PHACTR2: variants seen among roughly 807,000 people sequenced by gnomAD.
PHACTR2 encodes the protein phosphatase and actin regulator 2.
In PHACTR2, 30 loss-of-function variants were observed where a neutral mutation model predicts 76.0. The observed-to-expected ratio is 0.39, with a 90% CI of 0.30 to 0.54. The LOEUF (loss-of-function observed/expected upper bound fraction) is 0.54, where lower values mean the gene tolerates loss of function less well. PHACTR2 is among the 20% of genes least tolerant of loss of function. The probability of loss-of-function intolerance (pLI) is 0.61; values close to 1 mark genes in which losing one functional copy is unlikely to be tolerated. For missense variants in PHACTR2, 696 were observed against 781.1 expected (o/e 0.89, Z 1.30); for synonymous variants, 292 against 292.5 (o/e 1.00, Z 0.02).
chr6:143,686,004 C>T (rs964879094), intron 1 of PHACTR2, among the ~76,000 whole-genome samples: 11 of 151,866 alleles, frequency 7.2e-5, no homozygotes, highest in African/African-American at 1.9e-4. Flanking sequence ...TGGTGGCGGG[C>T]GCCCGTAATC....
chr6:143,755,631 C>A lies in PHACTR2; in HGVS notation c.454+1719C>A. 4.2e-6 allele frequency: 1 copy of A among 239,384 alleles called. No homozygotes were observed. The highest frequency in any genetic ancestry group is 1.0e-4 in the East Asian group (1 of 9,716). The allele number at this position is 239,384 out of a possible 1,614,324, so 14.8% of individuals were successfully genotyped here. On this transcript the variant is annotated intron_variant, in intron 4 of 12. Transcript: ENST00000440869. The surrounding 1 kb of genome is among the most constrained non-coding windows in gnomAD (Gnocchi z 5.2). ...CCTTATCTGATAAGGTCCAAGAGAG[C>A]CTGTTGCTTGGCTAGTAGGTACATG...
At chr6:143,606,386 A>T (rs1343268518), upstream of PHACTR2, among the ~76,000 whole-genome samples, 1 of 152,054 alleles carries the variant, frequency 6.6e-6, no homozygotes, top group Non-Finnish European at 1.5e-5. Flanking sequence ...GTATTTATGG[A>T]AAAAAAAGTG....
At position 143,549,870 on chromosome 6, in the gene PHACTR2, C is replaced by T; in HGVS notation, c.217+12663C>T. On this transcript the variant is annotated intron_variant, in intron 1 of 11. Coordinates refer to the PHACTR2 transcript ENST00000367584. The surrounding 1 kb of genome is among the most constrained non-coding windows in gnomAD (Gnocchi z 4.2). The stretch of plus-strand genomic sequence containing the variant: ...TCAGCCGGTCCCTGGCCTCAACAAG[C>T]AAGCTCTTAATCCTAGGTTGTGGTT... Among the ~76,000 whole-genome samples, 1 of 151,944 alleles carries T rather than the reference C, an allele frequency of 6.6e-6. No homozygotes were observed. Among genetic ancestry groups the T allele is most frequent in the East Asian group, 1.9e-4 (1 of 5,188 alleles).
rs369601723 is a variant in PHACTR2 at position 143,777,305 on chromosome 6, A to G, written c.1590-23A>G. 1.1e-4 allele frequency: 167 copies of G among 1,466,088 alleles called. No homozygotes were observed. Among genetic ancestry groups the G allele is most frequent in the Non-Finnish European group, 1.6e-4 (165 of 1,052,890 alleles). 90.8% of individuals were successfully genotyped at this position (1,466,088 alleles called of 1,614,324 possible). ...TAGGGTACCTTGTTTTTAACCTGTA[A>G]TATATCCTTTTTGTCATCATAGGAG... On this transcript the variant is annotated intron_variant, in intron 8 of 12. Transcript: ENST00000440869. The surrounding 1 kb of genome is among the most constrained non-coding windows in gnomAD (Gnocchi z 4.6).
rs773732731 is a variant in PHACTR2 at position 143,803,340 on chromosome 6, G to A, written c.1846-3717G>A. Among the ~76,000 whole-genome samples the A allele has an allele frequency of 2.0e-5, 3 of 152,180 alleles. No homozygotes were observed. Among genetic ancestry groups the A allele is most frequent in the Non-Finnish European group, 4.4e-5 (3 of 68,036 alleles). On this transcript the variant is annotated intron_variant, in intron 11 of 12. Transcript: ENST00000440869. The surrounding 1 kb of genome is among the most constrained non-coding windows in gnomAD (Gnocchi z 4.7). ...AAGTGGGGAGATTGCTTGAGCCTAG[G>A]AGTTTGAGACCAGCCTGGCCAACAT...
intron 2 of PHACTR2, among the ~76,000 whole-genome samples, chr6:143,726,000 A>G (rs1778560334): frequency 6.6e-6 from 1 of 152,200 alleles, no homozygotes; most frequent in Admixed American, 6.5e-5. Context: ...CAGTTTATCC[A>G]TACATGAAAG....
Position 143,748,991 on chromosome 6 carries a change from A to G in PHACTR2, c.221A>G (p.Glu74Gly). Residue 74 changes from glutamate to glycine, a missense_variant, in exon 3 of 13, where the codon GAA (glutamate) becomes GGA (glycine). Physicochemically the swap from Glu to Gly is moderately conservative, Grantham distance 98 (BLOSUM62 -2). Coordinates refer to ENST00000440869, the MANE Select transcript of PHACTR2 (RefSeq NM_001100164.2). Reference protein sequence around the residue: ...DKFRETSAVLERKISTRQSRE... With the variant: ...DKFRETSAVLGRKISTRQSRE... The stretch of plus-strand genomic sequence containing the variant: ...TGCTTGTTCTTTTTAAAAGTATTAG[A>G]AAGGAAGATATCCACACGACAAAGT... 1 of 1,533,674 alleles carries G rather than the reference A, an allele frequency of 6.5e-7. No homozygotes were observed. The highest frequency in any genetic ancestry group is 9.0e-7 in the Non-Finnish European group (1 of 1,108,470).
At position 143,763,367 on chromosome 6, in the gene PHACTR2, CAAA is replaced by C. The variant is rs377695345; in HGVS notation, c.695-1887_695-1885del. Among the ~76,000 whole-genome samples, 5 of 149,680 alleles carry C rather than the reference CAAA, an allele frequency of 3.3e-5. No individual in the cohort carries two copies. In the East Asian group the frequency reaches 9.8e-4, roughly 29 times the overall value. ...GAGGGAGACTCTGTCTCAAAAAAAA[CAAA>C]AAAAAAGAATTTTCTTTAACAAATT... On this transcript the variant is annotated intron_variant, in intron 5 of 12. Transcript: ENST00000440869.
At chr6:143,632,358 C>A (rs1307736629) in intron 1 of PHACTR2, among the ~76,000 whole-genome samples, 2 of 152,096 alleles carry the variant, frequency 1.3e-5, no homozygotes, top group South Asian at 2.1e-4. Flanking sequence ...TATTTAGATA[C>A]CCCCGCCACC....
At chr6:143,640,068 AGTT>A (rs1274372397) in intron 1 of PHACTR2, among the ~76,000 whole-genome samples, 12 of 152,222 alleles carry the variant, frequency 7.9e-5, no homozygotes, top group Admixed American at 1.3e-4. Context: ...GTGATGTCAC[AGTT>A]GTTGTGCTGT....
chr6:143,655,021 A>T (rs1776824291), intron 1 of PHACTR2, among the ~76,000 whole-genome samples: 1 of 151,846 alleles, frequency 6.6e-6, no homozygotes, highest in African/African-American at 2.4e-5. Context: ...GCCGGGTGTG[A>T]TGGCACATGC....
At chr6:143,748,057 C>T (rs1478838225) in intron 2 of PHACTR2, among the ~76,000 whole-genome samples, 1 of 150,552 alleles carries the variant, frequency 6.6e-6, no homozygotes. Flanking sequence ...TCTGTGAAAA[C>T]TGATTATTAT....
In PHACTR2 at chr6:143,750,843, A is replaced by G. The variant is rs958780617; in HGVS notation, c.295+1778A>G. Among the ~76,000 whole-genome samples, 1 of 152,234 alleles carries G rather than the reference A, an allele frequency of 6.6e-6. No individual in the cohort carries two copies. Among genetic ancestry groups the G allele is most frequent in the African/African-American group, 2.4e-5 (1 of 41,466 alleles). On this transcript the variant is annotated intron_variant, in intron 3 of 12. Coordinates refer to ENST00000440869, the MANE Select transcript of PHACTR2 (RefSeq NM_001100164.2). This position sits in a 1 kb window ranked among gnomAD's most constrained non-coding sequence, Gnocchi z 4.6. ...AACAATTTTTTAACCTAAGCATAATATAATAATAGGCTTAATGTTTGAGAA... is the reference window on the plus strand; with the variant it reads ...AACAATTTTTTAACCTAAGCATAATGTAATAATAGGCTTAATGTTTGAGAA...
chr6:143,573,695 A>G (rs1156441627), intron 1 of PHACTR2, among the ~76,000 whole-genome samples: 2 of 151,422 alleles, frequency 1.3e-5, no homozygotes, highest in Non-Finnish European at 2.9e-5. Flanking sequence ...GTTGGCACTT[A>G]TCTTAGTTAA....
chr6:143,796,297 T>C (rs964879706), intron 11 of PHACTR2, among the ~76,000 whole-genome samples: 12 of 152,242 alleles, frequency 7.9e-5, no homozygotes, highest in Admixed American at 5.2e-4. Flanking sequence ...AAATAAAGGA[T>C]ATCAAAATGG....
chr6:143,747,256 G>A (rs1019043702), intron 2 of PHACTR2, among the ~76,000 whole-genome samples: 1 of 152,102 alleles, frequency 6.6e-6, no homozygotes, highest in Admixed American at 6.5e-5. Context: ...ATTTAAAAAG[G>A]AATACACAAT....
At chr6:143,675,335 T>C (rs1777222243), upstream of PHACTR2, among the ~76,000 whole-genome samples, 1 of 152,234 alleles carries the variant, frequency 6.6e-6, no homozygotes, top group Admixed American at 6.5e-5. This position sits in a 1 kb window ranked among gnomAD's most constrained non-coding sequence, Gnocchi z 4.9. Context: ...AGCCATGGTA[T>C]GATATGATGC....
At chr6:143,798,965 C>T (rs541426146) in intron 11 of PHACTR2, among the ~76,000 whole-genome samples, 1 of 152,290 alleles carries the variant, frequency 6.6e-6, no homozygotes, top group Admixed American at 6.5e-5. Flanking sequence ...GGAATGGTAC[C>T]AGCTCCTCTT....
chr6:143,660,283 A>G (rs1353649686), intron 1 of PHACTR2, among the ~76,000 whole-genome samples: 5 of 151,996 alleles, frequency 3.3e-5, no homozygotes, highest in Non-Finnish European at 7.4e-5. Context: ...AGAGTTCTAC[A>G]TGGCTAAGGA....
Sources: gnomAD v4.1 joint callset for allele counts (sites outside exome capture counted in the v4.1 genomes callset) on GRCh38, gnomAD v4.1.1 for gene constraint, Gnocchi (gnomAD v3.1) non-coding constraint, MANE v1.5 for transcripts, NCBI Gene and HGNC (gene_info 2026-07-23, HGNC 2026-07-21) for gene names.